TIAM1: variants seen among roughly 807,000 people sequenced by gnomAD.
The protein encoded by TIAM1 is rho guanine nucleotide exchange factor TIAM1.
Under a neutral mutation model 163.5 loss-of-function variants are expected in TIAM1, and 65 were observed. The ratio of observed to expected loss-of-function variants is 0.40; its 90% CI spans 0.33 to 0.49. The LOEUF (loss-of-function observed/expected upper bound fraction) is 0.49. TIAM1 is among the 20% of genes least tolerant of loss of function. TIAM1 has a pLI of 0.77. For synonymous variants in TIAM1, 833 were observed against 810.1 expected (o/e 1.03, Z -0.48); for missense variants, 1,789 against 2,044.7 (o/e 0.87, Z 2.41).
chr21:31,554,829 T>C (rs1276271345), intron 1 of TIAM1, among the ~76,000 whole-genome samples: 2 of 152,162 alleles, frequency 1.3e-5, no homozygotes. Context: ...CTTCACCTAG[T>C]GAAAGAGCTT....
At chr21:31,218,657 C>T (rs1438497887) in intron 8 of TIAM1, among the ~76,000 whole-genome samples, 1 of 152,036 alleles carries the variant, frequency 6.6e-6, no homozygotes, top group South Asian at 2.1e-4. Context: ...TGCAGTAGGG[C>T]ATGGATTGGG....
intron 14 of TIAM1, among the ~76,000 whole-genome samples, chr21:31,184,813 G>T (rs1340109987): frequency 2.0e-5 from 3 of 152,118 alleles, no homozygotes; most frequent in African/African-American, 4.8e-5. Context: ...GGAACAAGAA[G>T]GAAAATGCTC....
chr21:31,130,575 CA>C (rs2082378538), intron 24 of TIAM1, among the ~76,000 whole-genome samples: 1 of 151,994 alleles, frequency 6.6e-6, no homozygotes, highest in East Asian at 1.9e-4. Context: ...AAAAGGATCC[CA>C]AAAGAAGAAC....
At chr21:31,423,150 G>T (rs1274054357) in intron 2 of TIAM1, among the ~76,000 whole-genome samples, 1 of 129,050 alleles carries the variant, frequency 7.7e-6, no homozygotes, top group Non-Finnish European at 1.6e-5. Context: ...CCAGGCTGGA[G>T]TGCAGTGGCA....
intron 1 of TIAM1, among the ~76,000 whole-genome samples, chr21:31,545,580 A>T (rs960985919): frequency 2.0e-5 from 3 of 152,222 alleles, no homozygotes; most frequent in African/African-American, 7.2e-5. Flanking sequence ...GACTGTGGAT[A>T]TAAGACTAGT....
intron 20 of TIAM1, among the ~76,000 whole-genome samples, chr21:31,145,383 G>C (rs1203770284): frequency 6.6e-6 from 1 of 152,198 alleles, no homozygotes; most frequent in African/African-American, 2.4e-5. Context: ...CATATCCGGG[G>C]ACCTGATCAG....
chr21:31,452,486 AT>A, intron 2 of TIAM1: 2 of 548,856 alleles, frequency 3.6e-6, no homozygotes, highest in South Asian at 3.9e-5. Context: ...CTAGTGTCAA[AT>A]TGCTTGCCAT....
At chr21:31,122,186 C>T (rs1008065145) in intron 27 of TIAM1, among the ~76,000 whole-genome samples, 14 of 152,140 alleles carry the variant, frequency 9.2e-5, no homozygotes, top group South Asian at 8.3e-4. Flanking sequence ...CCATCTAAAA[C>T]TGTGGAACAA....
chr21:31,558,260 C>T (rs1371584155), intron 1 of TIAM1, among the ~76,000 whole-genome samples: 3 of 152,152 alleles, frequency 2.0e-5, no homozygotes, highest in Non-Finnish European at 4.4e-5. Context: ...GGGCACAGTC[C>T]CCGGGACCCG....
chr21:31,384,243 T>C (rs2076827718), intron 2 of TIAM1, among the ~76,000 whole-genome samples: 1 of 151,118 alleles, frequency 6.6e-6, no homozygotes, highest in South Asian at 2.1e-4. Flanking sequence ...ATAGAAGTAA[T>C]CAAGCAAACA....
At chr21:31,372,853 C>T (rs2076619293) in intron 2 of TIAM1, among the ~76,000 whole-genome samples, 1 of 151,788 alleles carries the variant, frequency 6.6e-6, no homozygotes, top group East Asian at 1.9e-4. Flanking sequence ...GTTGGGAGTT[C>T]GAGACCAGCT....
chr21:31,473,205 A>G (rs1488703635), intron 1 of TIAM1, among the ~76,000 whole-genome samples: 1 of 152,182 alleles, frequency 6.6e-6, no homozygotes, highest in African/African-American at 2.4e-5. Flanking sequence ...CCAAGCGGGC[A>G]GATCACGAGG....
intron 2 of TIAM1, among the ~76,000 whole-genome samples, chr21:31,371,773 C>T (rs1461287452): frequency 6.6e-6 from 1 of 152,144 alleles, no homozygotes; most frequent in Non-Finnish European, 1.5e-5. Context: ...AGAGGAAGGA[C>T]AGGAAAGTCC....
chr21:31,510,581 G>A (rs1289350613), intron 1 of TIAM1, among the ~76,000 whole-genome samples: 2 of 152,190 alleles, frequency 1.3e-5, no homozygotes, highest in Admixed American at 6.5e-5. Flanking sequence ...GGGAGGCCAA[G>A]GCGGATGGAT....
chr21:31,323,594 G>A (rs2075387435), intron 2 of TIAM1, among the ~76,000 whole-genome samples: 2 of 152,068 alleles, frequency 1.3e-5, no homozygotes, highest in Non-Finnish European at 2.9e-5. Flanking sequence ...ACTTTGGGAG[G>A]CCGAGGCGGG....
intron 15 of TIAM1, among the ~76,000 whole-genome samples, chr21:31,176,778 G>A (rs2084784734): frequency 6.6e-6 from 1 of 151,946 alleles, no homozygotes; most frequent in Admixed American, 6.6e-5. Context: ...AGGACAGGGA[G>A]CAGTAACCAG....
chr21:31,226,344 A>G (rs1465866629), intron 6 of TIAM1, among the ~76,000 whole-genome samples: 4 of 152,168 alleles, frequency 2.6e-5, no homozygotes, highest in Non-Finnish European at 4.4e-5. Context: ...GAGGGACATT[A>G]CTGACATAGG....
intron 1 of TIAM1, among the ~76,000 whole-genome samples, chr21:31,479,961 G>A (rs2046060833): frequency 6.6e-6 from 1 of 152,124 alleles, no homozygotes; most frequent in African/African-American, 2.4e-5. Flanking sequence ...ACCCTCCTAG[G>A]GAACACCTAC....
At chr21:31,235,953 T>C (rs562790965) in intron 6 of TIAM1, among the ~76,000 whole-genome samples, 76 of 152,350 alleles carry the variant, frequency 5.0e-4, no homozygotes, top group South Asian at 3.3e-3. Context: ...GGTAGGCAAG[T>C]GGGGCCCCTG....
Sources: gnomAD v4.1 joint callset for allele counts (sites outside exome capture counted in the v4.1 genomes callset) on GRCh38, gnomAD v4.1.1 for gene constraint, MANE v1.5 for transcripts, NCBI Gene and HGNC (gene_info 2026-07-23, HGNC 2026-07-21) for gene names.